Variants in CELF5 observed in about 807,000 individuals in gnomAD.
The protein encoded by CELF5 is CUG-BP and ETR-3 like factor 5.
CELF5 carries 6 observed loss-of-function variants against 54.9 expected under a neutral mutation model. The observed-to-expected ratio is 0.11, with a 90% confidence interval of 0.06 to 0.22. The LOEUF (loss-of-function observed/expected upper bound fraction) is 0.22, where lower values mean the gene tolerates loss of function less well. Among genes scored for constraint, CELF5 ranks in the 10% least tolerant of loss-of-function variants. The pLI is 1.00. For synonymous variants in CELF5, 271 were observed against 290.9 expected (o/e 0.93, Z 0.70); for missense variants, 401 against 678.6 (o/e 0.59, Z 4.54).
chr19:3,271,099 C>CGCTGATT (rs1182378646), intron 2 of CELF5, among the ~76,000 whole-genome samples: 1 of 150,798 alleles, frequency 6.6e-6, no homozygotes, highest in Non-Finnish European at 1.5e-5. Flanking sequence ...TTGCCAGCTT[C>CGCTGATT]CGTGTGGTGA....
Position 3,268,301 on chromosome 19 carries a change from C to G in CELF5, c.343-5571C>G, listed in dbSNP as rs929953346. Among the ~76,000 whole-genome samples, 2 of 152,136 alleles carry G rather than the reference C, an allele frequency of 1.3e-5. No individual in the cohort carries two copies. Among genetic ancestry groups the G allele is most frequent in the Non-Finnish European group, 2.9e-5 (2 of 68,024 alleles). On this transcript the variant is annotated intron_variant, in intron 2 of 12. Transcript: ENST00000292672. The surrounding 1 kb of genome is among the most constrained non-coding windows in gnomAD (Gnocchi z 4.4). ...GGGTTACAGGTGTGAGCCACCACAC[C>G]CGGCACCTAGAAGTGTTTGGAGGAC...
At position 3,278,159 on chromosome 19, in the gene CELF5, G is replaced by A; in HGVS notation, c.603+49G>A. On this transcript the variant is annotated intron_variant, in intron 5 of 12. Transcript: ENST00000292672. The surrounding 1 kb of genome is among the most constrained non-coding windows in gnomAD (Gnocchi z 4.5). ...GTGGGGGTGGGGGTGGGAAAGGGGT[G>A]AGGGGGACAGGGATGAAACAGGCCA... 2 of 1,146,586 alleles carry A rather than the reference G, an allele frequency of 1.7e-6. No individual in the cohort carries two copies. The highest frequency in any genetic ancestry group is 2.6e-6 in the Non-Finnish European group (2 of 780,320). The allele number at this position is 1,146,586 out of a possible 1,614,324, so 71.0% of individuals were successfully genotyped here. A position where few individuals can be genotyped will look rare whatever the true frequency, so the allele number is the denominator to read the frequency against.
intron 1 of CELF5, among the ~76,000 whole-genome samples, chr19:3,238,500 G>GAGAAA (rs1429220601): frequency 6.6e-6 from 1 of 152,114 alleles, no homozygotes; most frequent in African/African-American, 2.4e-5. Context: ...GTGTGGGTAG[G>GAGAAA]GCCTCACTTT....
chr19:3,247,634 T>C (rs894365973), intron 1 of CELF5, among the ~76,000 whole-genome samples: 7 of 151,738 alleles, frequency 4.6e-5, no homozygotes, highest in African/African-American at 1.7e-4. Context: ...GATGGTTGTA[T>C]GGATTTATAA....
chr19:3,229,310 C>T (rs2144970295), intron 1 of CELF5, among the ~76,000 whole-genome samples: 1 of 152,164 alleles, frequency 6.6e-6, no homozygotes, highest in Admixed American at 6.5e-5. Flanking sequence ...TTGGGCAAAA[C>T]AAATAAAATC....
In CELF5 at chr19:3,278,041, C is replaced by T. The variant is rs773266256; in HGVS notation, c.534C>T (p.Phe178=). ...CTTCTCTTGGAGCAGGCTGTGCTTT[C>T]GTGAAGTTCTCCTCCCACACGGAGG... The part of the protein sequence containing the change: ...GPDGSSKGCA[F]VKFSSHTEAQ... Residue 178 remains phenylalanine, a synonymous_variant, in exon 5 of 13, where the codon TTC becomes TTT. Transcript: ENST00000292672. This position sits in a 1 kb window ranked among gnomAD's most constrained non-coding sequence, Gnocchi z 4.5. 8.1e-6 allele frequency: 13 copies of T among 1,612,636 alleles called. No homozygotes were observed. Among genetic ancestry groups the T allele is most frequent in the South Asian group, 5.5e-5 (5 of 91,046 alleles).
Position 3,281,799 on chromosome 19 carries a change from C to T in CELF5, c.751-327C>T, listed in dbSNP as rs2080156328. Reference sequence around the variant, plus strand: ...TCTCAGTCTGAGCCTCACTTCCTAACCGAGCCTTGATCCTAGATTGAGCCT... The same window carrying T: ...TCTCAGTCTGAGCCTCACTTCCTAATCGAGCCTTGATCCTAGATTGAGCCT... On this transcript the variant is annotated intron_variant, in intron 6 of 12. Transcript: ENST00000292672. The surrounding 1 kb of genome is among the most constrained non-coding windows in gnomAD (Gnocchi z 6.5). Among the ~76,000 whole-genome samples, 1 of 151,956 alleles carries T rather than the reference C, an allele frequency of 6.6e-6. No individual in the cohort carries two copies. Among genetic ancestry groups the T allele is most frequent in the South Asian group, 2.1e-4 (1 of 4,808 alleles).
At position 3,273,937 on chromosome 19, in the gene CELF5, C is replaced by G; in HGVS notation, c.394+14C>G. ...GCCGCGGAGGTAGTTGTCATCTCTC[C>G]GTGGCTGCCAGGCTGGGGGTTGGCG... On this transcript the variant is annotated intron_variant, in intron 3 of 12. Transcript: ENST00000292672. The G allele has an allele frequency of 6.2e-7, 1 of 1,612,004 alleles. No homozygotes were observed. The highest frequency in any genetic ancestry group is 8.5e-7 in the Non-Finnish European group (1 of 1,178,230).
chr19:3,253,962 T>A (rs1356469030), intron 2 of CELF5, among the ~76,000 whole-genome samples: 1 of 152,090 alleles, frequency 6.6e-6, no homozygotes, highest in African/African-American at 2.4e-5. Flanking sequence ...ACAAACCCAG[T>A]CTCTATTCCA....
At chr19:3,255,398 G>T (rs1165161142) in intron 2 of CELF5, among the ~76,000 whole-genome samples, 1 of 152,144 alleles carries the variant, frequency 6.6e-6, no homozygotes, top group East Asian at 1.9e-4. Context: ...TGACTAGGCT[G>T]GTTTTGAACT....
intron 2 of CELF5, among the ~76,000 whole-genome samples, chr19:3,260,128 A>G (rs1042429919): frequency 9.2e-5 from 14 of 151,966 alleles, no homozygotes; most frequent in Non-Finnish European, 1.8e-4. Context: ...TTCTTTTTTT[A>G]TTTATTGAGA....
chr19:3,245,968 C>T (rs1487379180), intron 1 of CELF5, among the ~76,000 whole-genome samples: 1 of 152,202 alleles, frequency 6.6e-6, no homozygotes, highest in Non-Finnish European at 1.5e-5. Context: ...CCGACATAGG[C>T]ACAACCCACT....
chr19:3,259,817 G>T (rs965823390), intron 2 of CELF5, among the ~76,000 whole-genome samples: 1 of 151,646 alleles, frequency 6.6e-6, no homozygotes, highest in Admixed American at 6.6e-5. Flanking sequence ...GGCCAGGGAC[G>T]CTACTCAGCA....
intron 9 of CELF5, 35 bp from the exon 10 acceptor site, chr19:3,285,907 C>G: frequency 2.7e-6 from 4 of 1,504,070 alleles, no homozygotes; most frequent in Non-Finnish European, 3.5e-6. Context: ...GCCTCACGCC[C>G]CTCCTCGCCC....
chr19:3,225,034 C>T (rs1916808720), intron 1 of CELF5, 36 bp downstream of exon 1: 4 of 1,347,894 alleles, frequency 3.0e-6, no homozygotes, highest in Admixed American at 2.3e-5. Flanking sequence ...CTCCCCCTCC[C>T]TCCGCCTCCC....
At chr19:3,253,870 C>T (rs574402214) in intron 2 of CELF5, among the ~76,000 whole-genome samples, 1 of 152,192 alleles carries the variant, frequency 6.6e-6, no homozygotes, top group Non-Finnish European at 1.5e-5. Context: ...GGAGATTTAC[C>T]AACACTTCTA....
intron 1 of CELF5, among the ~76,000 whole-genome samples, chr19:3,248,858 CT>C (rs2079604418): frequency 1.7e-5 from 1 of 59,528 alleles, no homozygotes; most frequent in Admixed American, 2.6e-4. Flanking sequence ...TTCTTTCTTC[CT>C]TCCTTCCTTC....
At position 3,275,990 on chromosome 19, in the gene CELF5, T is replaced by A. The variant is rs754963433; in HGVS notation, c.523+6T>A. The A allele has an allele frequency of 1.4e-5, 15 of 1,110,596 alleles. No individual in the cohort carries two copies. 68.8% of individuals were successfully genotyped at this position (1,110,596 alleles called of 1,614,324 possible). On this transcript the variant is annotated splice_donor_region_variant and intron_variant, in intron 4 of 12. Transcript: ENST00000292672. The surrounding 1 kb of genome is among the most constrained non-coding windows in gnomAD (Gnocchi z 6.7). Reference sequence around the variant, plus strand: ...GCCTGACGGCAGCAGCAAAGGTGACTGGCGGGGGCCGGGGCGGGACTGCGA... The same window carrying A: ...GCCTGACGGCAGCAGCAAAGGTGACAGGCGGGGGCCGGGGCGGGACTGCGA...
intron 10 of CELF5, chr19:3,286,608 C>T (rs1202753068): frequency 6.6e-6 from 1 of 152,006 alleles, no homozygotes; most frequent in Non-Finnish European, 1.5e-5. Context: ...TGGTGTGCAC[C>T]TGTAGTCCCA....
Sources: gnomAD v4.1 joint callset for allele counts (sites outside exome capture counted in the v4.1 genomes callset) on GRCh38, gnomAD v4.1.1 for gene constraint, Gnocchi (gnomAD v3.1) non-coding constraint, MANE v1.5 for transcripts, NCBI Gene and HGNC (gene_info 2026-07-23, HGNC 2026-07-21) for gene names.